The following CCDC91 variants were observed in gnomAD, a reference collection of about 807,000 sequenced individuals.
The protein encoded by CCDC91 is coiled-coil domain-containing protein 91.
CCDC91 carries 48 observed loss-of-function variants against 63.2 expected under a neutral mutation model. That is an observed-to-expected ratio of 0.76 (90% CI 0.60 to 0.97). The LOEUF is 0.97. Ranked by LOEUF, CCDC91 falls within the 50% of genes least tolerant of loss-of-function variation. The probability of loss-of-function intolerance (pLI) is 0.00; values close to 1 mark genes in which losing one functional copy is unlikely to be tolerated. For missense variants in CCDC91, 500 were observed against 494.6 expected, an observed-to-expected ratio of 1.01 and a Z score of -0.10; for synonymous variants, 167 against 165.8, an observed-to-expected ratio of 1.01 and a Z score of -0.06.
chr12:28,538,503 T>C (rs1440821158), intron 12 of CCDC91, among the ~76,000 whole-genome samples: 4 of 151,984 alleles, frequency 2.6e-5, no homozygotes, highest in African/African-American at 7.3e-5. Context: ...ATCCAGTCTA[T>C]CATTGTTGGA....
intron 8 of CCDC91, among the ~76,000 whole-genome samples, chr12:28,423,303 T>C (rs1266567189): frequency 6.6e-6 from 1 of 152,168 alleles, no homozygotes; most frequent in African/African-American, 2.4e-5. Context: ...GGAGATTTGC[T>C]AGGCTAGTCA....
intron 6 of CCDC91, among the ~76,000 whole-genome samples, chr12:28,317,122 A>G (rs1180147921): frequency 6.6e-6 from 1 of 151,884 alleles, no homozygotes; most frequent in East Asian, 1.9e-4. Flanking sequence ...TCCTGCACAG[A>G]TTCGGATGCC....
At chr12:28,479,569 A>T (rs1216351935) in intron 11 of CCDC91, among the ~76,000 whole-genome samples, 2 of 152,144 alleles carry the variant, frequency 1.3e-5, no homozygotes, top group Non-Finnish European at 2.9e-5. Context: ...CATATGTAAC[A>T]AACCTGCACG....
intron 1 of CCDC91, among the ~76,000 whole-genome samples, chr12:28,217,641 T>C (rs922538735): frequency 2.6e-5 from 4 of 151,990 alleles, no homozygotes; most frequent in Non-Finnish European, 4.4e-5. Flanking sequence ...GATTTCATGG[T>C]AGGAATAGAT....
At chr12:28,521,156 C>T (rs935098386) in intron 12 of CCDC91, among the ~76,000 whole-genome samples, 1 of 152,122 alleles carries the variant, frequency 6.6e-6, no homozygotes, top group Non-Finnish European at 1.5e-5. Flanking sequence ...TATAAATTAC[C>T]TTGGGCAGTA....
chr12:28,332,334 C>T (rs1941583812), intron 6 of CCDC91, among the ~76,000 whole-genome samples: 1 of 152,104 alleles, frequency 6.6e-6, no homozygotes, highest in African/African-American at 2.4e-5. Context: ...GAGTGACTTT[C>T]ATGCCTAGTT....
intron 11 of CCDC91, among the ~76,000 whole-genome samples, chr12:28,472,964 G>A (rs1235307210): frequency 6.6e-6 from 1 of 152,068 alleles, no homozygotes; most frequent in African/African-American, 2.4e-5. Context: ...TTAAGCTGTT[G>A]TTGCACAGGA....
chr12:28,416,279 G>C (rs1947656413), intron 8 of CCDC91, among the ~76,000 whole-genome samples: 1 of 152,062 alleles, frequency 6.6e-6, no homozygotes, highest in Admixed American at 6.6e-5. Context: ...AATAGGTAGA[G>C]ACTATTTCTG....
intron 7 of CCDC91, among the ~76,000 whole-genome samples, chr12:28,380,180 G>A (rs572176680): frequency 8.7e-4 from 132 of 152,172 alleles, no homozygotes; most frequent in African/African-American, 2.7e-3. Context: ...GTTGGGGGTT[G>A]GGGGGCTGGG....
At chr12:28,282,909 T>G (rs572236422) in intron 3 of CCDC91, among the ~76,000 whole-genome samples, 1 of 152,206 alleles carries the variant, frequency 6.6e-6, no homozygotes, top group East Asian at 1.9e-4. Context: ...GATCCCGTTT[T>G]ATTCTTCTAC....
intron 8 of CCDC91, among the ~76,000 whole-genome samples, chr12:28,444,977 A>G (rs974807041): frequency 9.2e-5 from 14 of 152,198 alleles, no homozygotes; most frequent in South Asian, 2.1e-4. Flanking sequence ...TTTCTTTCTC[A>G]CTTCTTTATT....
At chr12:28,264,256 T>C (rs908333927) in intron 3 of CCDC91, among the ~76,000 whole-genome samples, 1 of 151,614 alleles carries the variant, frequency 6.6e-6, no homozygotes, top group Non-Finnish European at 1.5e-5. Context: ...TCTAACTTAC[T>C]TTTCTAAACA....
At chr12:28,417,879 G>A (rs11049584) in intron 8 of CCDC91, among the ~76,000 whole-genome samples, 28,151 of 151,844 alleles carry the variant, frequency 0.19, 3,408 homozygotes, top group Non-Finnish European at 0.28. Context: ...GTGCACCTAT[G>A]TTGTATATTT....
chr12:28,241,981 C>G, intron 1 of CCDC91, among the ~76,000 whole-genome samples: 1 of 137,456 alleles, frequency 7.3e-6, no homozygotes, highest in Admixed American at 7.4e-5. Context: ...GGGCGACAGA[C>G]CGAGACTCCT....
chr12:28,297,691 A>C (rs1361785509), intron 3 of CCDC91, among the ~76,000 whole-genome samples: 1 of 151,818 alleles, frequency 6.6e-6, no homozygotes, highest in Admixed American at 6.6e-5. Context: ...TGTTGGGCAC[A>C]CCTGATTTCC....
chr12:28,328,201 C>G (rs924496810), intron 6 of CCDC91, among the ~76,000 whole-genome samples: 1 of 152,060 alleles, frequency 6.6e-6, no homozygotes, highest in African/African-American at 2.4e-5. Context: ...GGTATTTGAA[C>G]TACATTTCAC....
intron 8 of CCDC91, among the ~76,000 whole-genome samples, chr12:28,441,768 G>C (rs1342591912): frequency 6.7e-6 from 1 of 149,630 alleles, no homozygotes; most frequent in East Asian, 1.9e-4. Context: ...ATGTATATGT[G>C]TATGCATGTG....
At chr12:28,202,926 A>G (rs1942573953) in intron 1 of CCDC91, among the ~76,000 whole-genome samples, 1 of 152,240 alleles carries the variant, frequency 6.6e-6, no homozygotes, top group South Asian at 2.1e-4. Flanking sequence ...TTTTTGACAA[A>G]TGCTATCTGG....
At chr12:28,510,107 A>C (rs1939203539) in intron 12 of CCDC91, among the ~76,000 whole-genome samples, 1 of 151,406 alleles carries the variant, frequency 6.6e-6, no homozygotes. Context: ...TTTGATAATA[A>C]ATTGAAATAA....
Sources: gnomAD v4.1 joint callset for allele counts (sites outside exome capture counted in the v4.1 genomes callset) on GRCh38, gnomAD v4.1.1 for gene constraint, MANE v1.5 for transcripts, NCBI Gene and HGNC (gene_info 2026-07-23, HGNC 2026-07-21) for gene names.